GRHL1: variants seen among roughly 807,000 people sequenced by gnomAD.
The protein encoded by GRHL1 is grainyhead-like protein 1 homolog.
A neutral mutation model predicts 75.7 loss-of-function variants in GRHL1; 38 were observed. The observed-to-expected ratio is 0.50, with a 90% CI of 0.39 to 0.66. GRHL1 has a LOEUF of 0.66. Among genes scored for constraint, GRHL1 ranks in the 30% least tolerant of loss-of-function variants. GRHL1 has a pLI of 0.00. For synonymous variants in GRHL1, 266 were observed against 279.4 expected, an observed-to-expected ratio of 0.95 and a Z score of 0.48; for missense variants, 589 against 767.5, an observed-to-expected ratio of 0.77 and a Z score of 2.75.
intron 2 of GRHL1, among the ~76,000 whole-genome samples, chr2:9,956,234 G>A (rs1054456689): frequency 4.6e-5 from 7 of 152,152 alleles, no homozygotes; most frequent in African/African-American, 1.7e-4. Context: ...TTCTGGCACT[G>A]TATTCTTTCC....
chr2:9,998,470 GTATA>G lies in GRHL1; in HGVS notation c.1678-488_1678-485del, dbSNP rs1214607175. On this transcript the variant is annotated intron_variant, in intron 14 of 15. Coordinates refer to ENST00000324907, the MANE Select transcript of GRHL1 (RefSeq NM_198182.3). The stretch of plus-strand genomic sequence containing the variant: ...TGTGTATATATATACATATATATAC[GTATA>G]TATATACATATATATACGTATATAT... Among the ~76,000 whole-genome samples the G allele has an allele frequency of 6.2e-5, 2 of 32,294 alleles. 1 individual carries two copies. The highest frequency in any genetic ancestry group is 8.7e-4 in the Admixed American group (2 of 2,294). 21.2% of individuals were successfully genotyped at this position (32,294 alleles called of 152,430 possible).
intron 8 of GRHL1, among the ~76,000 whole-genome samples, chr2:9,981,038 G>A (rs1668175157): frequency 6.6e-6 from 1 of 152,248 alleles, no homozygotes. Flanking sequence ...AGAATCCATG[G>A]GAAGTGTTAA....
intron 14 of GRHL1, among the ~76,000 whole-genome samples, chr2:9,998,459 C>CATATATATACGTGTATATACGT (rs1668985097): frequency 8.2e-4 from 5 of 6,096 alleles, no homozygotes; most frequent in East Asian, 0.011. Context: ...TATATATATA[C>CATATATATACGTGTATATACGT]ATATATATAC....
intron 1 of GRHL1, among the ~76,000 whole-genome samples, 186 bp downstream of exon 1, chr2:9,952,039 G>C (rs1261357893): frequency 6.6e-6 from 1 of 151,870 alleles, no homozygotes; most frequent in Non-Finnish European, 1.5e-5. Flanking sequence ...CTCTTTGTTC[G>C]GTCGGAGCCT....
chr2:9,971,897 AT>A (rs1004306615), intron 8 of GRHL1, among the ~76,000 whole-genome samples: 3 of 151,766 alleles, frequency 2.0e-5, no homozygotes, highest in Non-Finnish European at 4.4e-5. Context: ...GAAACTTCTA[AT>A]TTTTTTTTAA....
Position 10,000,823 on chromosome 2 carries a change from G to C in GRHL1, c.*116G>C. The C allele has an allele frequency of 3.4e-6, 2 of 586,942 alleles. No homozygotes were observed. Among genetic ancestry groups the C allele is most frequent in the East Asian group, 5.6e-5 (2 of 35,644 alleles). The allele number at this position is 586,942 out of a possible 1,614,324, so 36.4% of individuals were successfully genotyped here. ...TCGCCAGCACAGGTCTATGTCGAGG[G>C]AATGGGTTCCTTGCAGGTTGGAGGC... is the stretch of plus-strand genomic sequence containing the variant. On this transcript the variant is annotated 3_prime_UTR_variant, in exon 16 of 16. Transcript: ENST00000324907.
intron 14 of GRHL1, among the ~76,000 whole-genome samples, chr2:9,996,617 G>C (rs555072837): frequency 6.6e-6 from 1 of 152,348 alleles, no homozygotes; most frequent in African/African-American, 2.4e-5. Context: ...TGAAGTGAAT[G>C]CATCTGTGAT....
intron 15 of GRHL1, 37 bp downstream of exon 15, chr2:9,999,066 G>A (rs1409937997): frequency 2.6e-6 from 3 of 1,168,504 alleles, no homozygotes; most frequent in Non-Finnish European, 3.7e-6. Context: ...CTCGGAAAGT[G>A]CTGATGCCCC....
chr2:9,970,251 T>A (rs1667667782), intron 8 of GRHL1, among the ~76,000 whole-genome samples: 1 of 152,244 alleles, frequency 6.6e-6, no homozygotes, highest in Non-Finnish European at 1.5e-5. Context: ...ATGTTGTAGC[T>A]TTCATTCACA....
Position 9,990,694 on chromosome 2 carries a change from A to C in GRHL1, c.1270-2A>C. ...CATATCTTGTCTTCTCTTAACCTAC[A>C]GGGAGCTGAGCGGAAAATCAGGGAT... On this transcript the variant is annotated splice_acceptor_variant, in intron 9 of 15. Transcript: ENST00000324907. LOFTEE classifies it high-confidence loss of function. The surrounding 1 kb of genome is among the most constrained non-coding windows in gnomAD (Gnocchi z 4.2). The C allele has an allele frequency of 6.2e-7, 1 of 1,601,590 alleles. No individual in the cohort carries two copies. Among genetic ancestry groups the C allele is most frequent in the Non-Finnish European group, 8.5e-7 (1 of 1,169,748 alleles).
At chr2:9,980,158 T>TG (rs1668135682) in intron 8 of GRHL1, among the ~76,000 whole-genome samples, 2 of 134,484 alleles carry the variant, frequency 1.5e-5, no homozygotes, top group African/African-American at 5.9e-5. Context: ...CTGGGTTTGG[T>TG]GGTTTGTTTT....
At chr2:9,985,065 CAAAAAAAA>C (rs3032357) in intron 8 of GRHL1, among the ~76,000 whole-genome samples, 1 of 122,520 alleles carries the variant, frequency 8.2e-6, no homozygotes, top group African/African-American at 2.9e-5. Flanking sequence ...CAGACTGTCT[CAAAAAAAA>C]AAAAAAAAAT....
At chr2:9,996,197 T>G (rs759365272) in intron 13 of GRHL1, 119 bp from the exon 14 acceptor site, 6 of 766,796 alleles carry the variant, frequency 7.8e-6, no homozygotes, top group Non-Finnish European at 1.4e-5. Flanking sequence ...TCATCCTTGA[T>G]GTGAATGTGG....
chr2:9,954,449 G>A (rs1558287042), intron 1 of GRHL1, among the ~76,000 whole-genome samples: 1 of 152,124 alleles, frequency 6.6e-6, no homozygotes, highest in African/African-American at 2.4e-5. Context: ...GTTCAGGTAG[G>A]AATTTTTAAG....
At chr2:9,993,618 G>A (rs1668734746) in intron 12 of GRHL1, among the ~76,000 whole-genome samples, 1 of 152,148 alleles carries the variant, frequency 6.6e-6, no homozygotes, top group Non-Finnish European at 1.5e-5. Flanking sequence ...ACAACCAGCT[G>A]TTTTGTAGAC....
At chr2:9,995,608 C>T (rs938720366) in intron 12 of GRHL1, among the ~76,000 whole-genome samples, 11 of 150,520 alleles carry the variant, frequency 7.3e-5, no homozygotes, top group Non-Finnish European at 1.3e-4. Context: ...AAAACCAAAG[C>T]GCCTCATCTT....
At chr2:9,971,942 G>A (rs116506748) in intron 8 of GRHL1, among the ~76,000 whole-genome samples, 1,579 of 152,220 alleles carry the variant, frequency 0.01, 25 homozygotes, top group Middle Eastern at 0.061. Flanking sequence ...TTGAAAACAT[G>A]TTCCATGCAG....
chr2:9,970,601 T>C (rs1268451076), intron 8 of GRHL1, among the ~76,000 whole-genome samples: 1 of 152,236 alleles, frequency 6.6e-6, no homozygotes, highest in Admixed American at 6.5e-5. Flanking sequence ...AACATACTTT[T>C]GTCTCTTCCC....
intron 9 of GRHL1, among the ~76,000 whole-genome samples, chr2:9,988,064 A>AT: frequency 6.6e-6 from 1 of 151,928 alleles, no homozygotes; most frequent in Middle Eastern, 3.4e-3. Context: ...CCTTTTTTGG[A>AT]TTTTTTGGAT....
Sources: gnomAD v4.1 joint callset for allele counts (sites outside exome capture counted in the v4.1 genomes callset) on GRCh38, gnomAD v4.1.1 for gene constraint, Gnocchi (gnomAD v3.1) non-coding constraint, MANE v1.5 for transcripts, NCBI Gene and HGNC (gene_info 2026-07-23, HGNC 2026-07-21) for gene names.